FAM53B: variants seen among roughly 807,000 people sequenced by gnomAD.
FAM53B encodes the protein protein FAM53B.
In FAM53B, 12 loss-of-function variants were observed where a neutral mutation model predicts 32.7. That is an observed-to-expected ratio of 0.37 (90% confidence interval 0.24 to 0.59). The LOEUF is 0.59. Among genes scored for constraint, FAM53B ranks in the 20% least tolerant of loss-of-function variants. The probability of loss-of-function intolerance (pLI) is 0.72; values close to 1 mark genes in which losing one functional copy is unlikely to be tolerated. For synonymous variants in FAM53B, 234 were observed against 228.7 expected (o/e 1.02, Z -0.21); for missense variants, 477 against 577.7 (o/e 0.83, Z 1.79).
At chr10:124,704,485 C>T (rs747963897) in intron 2 of FAM53B, among the ~76,000 whole-genome samples, 5 of 152,106 alleles carry the variant, frequency 3.3e-5, no homozygotes, top group African/African-American at 4.8e-5. Flanking sequence ...TGGGCGCTGG[C>T]GCTGGGACTG....
intron 3 of FAM53B, among the ~76,000 whole-genome samples, chr10:124,689,951 C>A (rs971845173): frequency 5.9e-5 from 9 of 152,328 alleles, no homozygotes; most frequent in East Asian, 1.9e-4. Flanking sequence ...CATAAATGTA[C>A]AGGGAACAGC....
chr10:124,638,836 G>A (rs1404650352), intron 4 of FAM53B, among the ~76,000 whole-genome samples: 1 of 152,248 alleles, frequency 6.6e-6, no homozygotes, highest in Non-Finnish European at 1.5e-5. Context: ...CGCTGGTGGT[G>A]GGTGTGGAAG....
At chr10:124,644,854 G>A (rs1019452648) in intron 4 of FAM53B, among the ~76,000 whole-genome samples, 1 of 152,210 alleles carries the variant, frequency 6.6e-6, no homozygotes, top group Admixed American at 6.5e-5. Context: ...AGGGGACGGC[G>A]CATCAGTCCC....
chr10:124,669,252 G>A (rs751778000), intron 4 of FAM53B, among the ~76,000 whole-genome samples: 3 of 152,182 alleles, frequency 2.0e-5, no homozygotes, highest in Non-Finnish European at 4.4e-5. Context: ...ACACACCTCC[G>A]CTCAGTGTGG....
At chr10:124,659,180 G>A (rs917665121) in intron 4 of FAM53B, among the ~76,000 whole-genome samples, 3 of 152,214 alleles carry the variant, frequency 2.0e-5, no homozygotes, top group African/African-American at 7.2e-5. Context: ...TACAGCCTTT[G>A]AAGCTAAACT....
intron 4 of FAM53B, among the ~76,000 whole-genome samples, chr10:124,677,677 G>A (rs1160111622): frequency 6.6e-6 from 1 of 152,220 alleles, no homozygotes; most frequent in Non-Finnish European, 1.5e-5. Flanking sequence ...CTTGGCACTG[G>A]GGTTTTCAGA....
intron 4 of FAM53B, among the ~76,000 whole-genome samples, chr10:124,628,643 G>A (rs1949370610): frequency 6.6e-6 from 1 of 152,208 alleles, no homozygotes; most frequent in Non-Finnish European, 1.5e-5. Context: ...ACCCACAGCA[G>A]TGCCCACTCT....
chr10:124,697,702 G>C (rs545835026), intron 2 of FAM53B, among the ~76,000 whole-genome samples: 2 of 152,056 alleles, frequency 1.3e-5, no homozygotes, highest in African/African-American at 2.4e-5. Context: ...CAGCCTCCTG[G>C]GGGGGATGCT....
At chr10:124,688,435 T>G (rs1949815112) in intron 3 of FAM53B, among the ~76,000 whole-genome samples, 1 of 152,198 alleles carries the variant, frequency 6.6e-6, no homozygotes, top group Admixed American at 6.5e-5. Flanking sequence ...GCGTGTGCAT[T>G]TGTGTGTAGC....
chr10:124,653,794 G>A (rs1367954435), intron 4 of FAM53B, among the ~76,000 whole-genome samples: 2 of 152,246 alleles, frequency 1.3e-5, no homozygotes, highest in Non-Finnish European at 2.9e-5. Context: ...GACCTCCAAG[G>A]TGCTGGACAG....
At chr10:124,625,603 T>C (rs962147500) in intron 4 of FAM53B, among the ~76,000 whole-genome samples, 1 of 152,190 alleles carries the variant, frequency 6.6e-6, no homozygotes, top group African/African-American at 2.4e-5. Context: ...TGGCCAGGCC[T>C]GGGCGATGGA....
intron 1 of FAM53B, among the ~76,000 whole-genome samples, chr10:124,726,542 G>A (rs750746418): frequency 6.6e-6 from 1 of 152,208 alleles, no homozygotes; most frequent in Non-Finnish European, 1.5e-5. Context: ...TTCAGGCAAT[G>A]GATTGACAAG....
intron 3 of FAM53B, among the ~76,000 whole-genome samples, chr10:124,690,915 C>A (rs1949828973): frequency 6.6e-6 from 1 of 152,082 alleles, no homozygotes; most frequent in South Asian, 2.1e-4. Flanking sequence ...AGATCACATT[C>A]AAAATGGCTG....
chr10:124,693,927 A>T (rs1394995919), intron 3 of FAM53B, among the ~76,000 whole-genome samples: 1 of 152,210 alleles, frequency 6.6e-6, no homozygotes, highest in African/African-American at 2.4e-5. Context: ...CTCAAGTCAT[A>T]TCTATGACAG....
chr10:124,621,796 G>T lies in FAM53B; in HGVS notation c.*1446C>A, dbSNP rs889698571. 1 of 152,274 alleles carries T rather than the reference G, an allele frequency of 6.6e-6. No homozygotes were observed. Among genetic ancestry groups the T allele is most frequent in the East Asian group, 1.9e-4 (1 of 5,202 alleles). 9.4% of individuals were successfully genotyped at this position (152,274 alleles called of 1,614,324 possible). ...AAGTGACTACAAAAGTGCTTTGAAC[G>T]CGCGTGTCAGCCAACACAAGGGAGC... On this transcript the variant is annotated 3_prime_UTR_variant, in exon 5 of 5. Coordinates refer to ENST00000337318, the MANE Select transcript of FAM53B (RefSeq NM_014661.4).
At chr10:124,624,733 G>A (rs1178328538) in intron 4 of FAM53B, among the ~76,000 whole-genome samples, 1 of 151,782 alleles carries the variant, frequency 6.6e-6, no homozygotes, top group African/African-American at 2.4e-5. Flanking sequence ...GGGTAGGGCT[G>A]ACACTGTGCA....
chr10:124,637,685 G>A (rs942682951), intron 4 of FAM53B, among the ~76,000 whole-genome samples: 22 of 152,198 alleles, frequency 1.4e-4, no homozygotes, highest in South Asian at 2.1e-4. Context: ...CAGGGCTAAA[G>A]GCCCGGTATC....
At chr10:124,667,386 A>G (rs1406463432) in intron 4 of FAM53B, 17 of 768,596 alleles carry the variant, frequency 2.2e-5, no homozygotes, top group Middle Eastern at 4.5e-4. Context: ...ACCGCCTGTA[A>G]AATGGATAAC....
intron 4 of FAM53B, among the ~76,000 whole-genome samples, chr10:124,644,711 T>A (rs1949500189): frequency 6.6e-6 from 1 of 151,854 alleles, no homozygotes; most frequent in East Asian, 1.9e-4. Flanking sequence ...TGGCTGTGGG[T>A]AGGGAACCCG....
Sources: gnomAD v4.1 joint callset for allele counts (sites outside exome capture counted in the v4.1 genomes callset) on GRCh38, gnomAD v4.1.1 for gene constraint, MANE v1.5 for transcripts, NCBI Gene and HGNC (gene_info 2026-07-23, HGNC 2026-07-21) for gene names.